The following PDE4D variants were observed in gnomAD, a reference collection of about 807,000 sequenced individuals.
PDE4D encodes 3',5'-cyclic-AMP phosphodiesterase 4D.
PDE4D carries 24 observed loss-of-function variants against 87.4 expected under a neutral mutation model. The observed-to-expected ratio is 0.27, with a 90% CI of 0.20 to 0.39. PDE4D has a LOEUF of 0.39. Ranked by LOEUF, PDE4D falls within the 10% of genes least tolerant of loss-of-function variation. The pLI is 1.00. For synonymous variants in PDE4D, 384 were observed against 383.2 expected, an observed-to-expected ratio of 1.00 and a Z score of -0.02; for missense variants, 714 against 1,041.0, an observed-to-expected ratio of 0.69 and a Z score of 4.32.
At chr5:60,327,284 T>G (rs1317784557) in intron 1 of PDE4D, among the ~76,000 whole-genome samples, 2 of 152,152 alleles carry the variant, frequency 1.3e-5, no homozygotes, top group East Asian at 1.9e-4. Flanking sequence ...AAATTACGTG[T>G]GAAGACTAAA....
chr5:60,137,340 G>C (rs1001630623), intron 2 of PDE4D, among the ~76,000 whole-genome samples: 1 of 152,156 alleles, frequency 6.6e-6, no homozygotes, highest in African/African-American at 2.4e-5. Context: ...TGGGTTAAAT[G>C]ATATTTCTGC....
chr5:60,391,661 G>A (rs574384978), intron 1 of PDE4D, among the ~76,000 whole-genome samples: 2 of 151,856 alleles, frequency 1.3e-5, no homozygotes, highest in Admixed American at 1.3e-4. Flanking sequence ...ATATTGAATT[G>A]GGCCCACCAG....
At chr5:59,993,823 T>C (rs1204677266) in intron 2 of PDE4D, among the ~76,000 whole-genome samples, 3 of 152,002 alleles carry the variant, frequency 2.0e-5, no homozygotes, top group Non-Finnish European at 4.4e-5. Context: ...AATATCAAAA[T>C]AAAAGAAATG....
intron 1 of PDE4D, among the ~76,000 whole-genome samples, chr5:59,576,875 A>G (rs1823253640): frequency 6.6e-6 from 1 of 152,172 alleles, no homozygotes; most frequent in South Asian, 2.1e-4. Flanking sequence ...TAACACACCC[A>G]AAGGTTTAAG....
At chr5:59,668,845 GGAAGAAGAAGAAGAAGAAGAAGAA>G (rs1208323931) in intron 1 of PDE4D, among the ~76,000 whole-genome samples, 105 of 62,180 alleles carry the variant, frequency 1.7e-3, no homozygotes, top group Middle Eastern at 6.4e-3. Context: ...AAGAGGAAGA[GGAAGAAGAAGAAGAAGAAGAAGAA>G]GAAGAAGAAG....
chr5:59,139,324 A>T (rs1777564633), intron 5 of PDE4D, among the ~76,000 whole-genome samples: 1 of 152,328 alleles, frequency 6.6e-6, no homozygotes, highest in South Asian at 2.1e-4. Flanking sequence ...GAAACAGAAG[A>T]TGGGGAAGGT....
At chr5:59,533,238 A>G (rs1221515497) in intron 1 of PDE4D, among the ~76,000 whole-genome samples, 1 of 152,234 alleles carries the variant, frequency 6.6e-6, no homozygotes, top group Non-Finnish European at 1.5e-5. Flanking sequence ...GAATATTTGT[A>G]CAAGGAAATG....
intron 2 of PDE4D, among the ~76,000 whole-genome samples, chr5:60,100,815 T>G (rs1396476): frequency 0.14 from 20,998 of 152,120 alleles, 1,499 homozygotes; most frequent in Middle Eastern, 0.22. Context: ...TTAGGAAATA[T>G]GTTCACACAT....
At chr5:59,818,554 G>T (rs1053834085) in intron 1 of PDE4D, among the ~76,000 whole-genome samples, 2 of 152,146 alleles carry the variant, frequency 1.3e-5, no homozygotes, top group African/African-American at 4.8e-5. Flanking sequence ...AGCATCTTGG[G>T]CCTCACTACC....
At chr5:59,076,742 T>C (rs934696691) in intron 5 of PDE4D, among the ~76,000 whole-genome samples, 1 of 152,140 alleles carries the variant, frequency 6.6e-6, no homozygotes, top group African/African-American at 2.4e-5. Context: ...GGATAACACA[T>C]ACAAACTAAT....
At chr5:59,496,524 C>T (rs1807232839) in intron 1 of PDE4D, among the ~76,000 whole-genome samples, 1 of 152,136 alleles carries the variant, frequency 6.6e-6, no homozygotes. Flanking sequence ...AGTCGGCTTC[C>T]TTGTTCAGTT....
At chr5:59,162,673 TAAAA>T (rs752188115) in intron 5 of PDE4D, among the ~76,000 whole-genome samples, 2 of 131,196 alleles carry the variant, frequency 1.5e-5, no homozygotes, top group African/African-American at 2.8e-5. Context: ...ATCCTGTCTC[TAAAA>T]AAAAAAAAAA....
chr5:59,256,088 T>C (rs1456772162), intron 1 of PDE4D, among the ~76,000 whole-genome samples: 1 of 152,090 alleles, frequency 6.6e-6, no homozygotes, highest in East Asian at 1.9e-4. Flanking sequence ...AGATAAAAGA[T>C]AGACAAGAAA....
intron 1 of PDE4D, among the ~76,000 whole-genome samples, chr5:59,708,035 C>A (rs367546392): frequency 1.6e-4 from 25 of 152,136 alleles, no homozygotes; most frequent in African/African-American, 5.8e-4. Context: ...AATCGCCATA[C>A]AGTCTTCCAT....
chr5:59,985,769 C>A (rs969111605), intron 3 of PDE4D, among the ~76,000 whole-genome samples: 1 of 152,142 alleles, frequency 6.6e-6, no homozygotes, highest in Non-Finnish European at 1.5e-5. Context: ...ACCACATGTA[C>A]CAAAATTCAT....
intron 1 of PDE4D, among the ~76,000 whole-genome samples, chr5:59,751,183 C>T (rs76743947): frequency 0.033 from 5,005 of 152,240 alleles, 120 homozygotes; most frequent in Non-Finnish European, 0.048. Flanking sequence ...CTCAGAACTG[C>T]TAGATGTGTT....
At chr5:60,251,819 T>C (rs1218777235) in intron 1 of PDE4D, among the ~76,000 whole-genome samples, 1 of 151,944 alleles carries the variant, frequency 6.6e-6, no homozygotes, top group Admixed American at 6.6e-5. Flanking sequence ...ATAAAGTCTA[T>C]AGTAGTGTAT....
chr5:60,133,753 A>G (rs1421119925), intron 2 of PDE4D, among the ~76,000 whole-genome samples: 1 of 152,304 alleles, frequency 6.6e-6, no homozygotes, highest in African/African-American at 2.4e-5. Flanking sequence ...TTAATTATTA[A>G]GGCTTTACAT....
At chr5:59,625,852 G>A (rs1447615495) in intron 1 of PDE4D, among the ~76,000 whole-genome samples, 1 of 152,128 alleles carries the variant, frequency 6.6e-6, no homozygotes, top group Admixed American at 6.6e-5. Context: ...AGGCTGAGGC[G>A]GGCGGATCAC....
Sources: allele counts gnomAD v4.1 joint callset (sites outside exome capture counted in the v4.1 genomes callset), GRCh38; gene constraint gnomAD v4.1.1; transcripts MANE v1.5; gene names NCBI Gene and HGNC (gene_info 2026-07-23, HGNC 2026-07-21).